ANK1: variants seen among roughly 807,000 people sequenced by gnomAD.
ANK1 encodes the protein ankyrin-1.
Under a neutral mutation model 210.4 loss-of-function variants are expected in ANK1, and 51 were observed. That is an observed-to-expected ratio of 0.24 (90% confidence interval 0.19 to 0.31). The LOEUF is 0.31. Among genes scored for constraint, ANK1 ranks in the 10% least tolerant of loss-of-function variants. The probability of loss-of-function intolerance (pLI) is 1.00; values close to 1 mark genes in which losing one functional copy is unlikely to be tolerated. For synonymous variants in ANK1, 967 were observed against 1,025.9 expected (o/e 0.94, Z 1.10); for missense variants, 2,051 against 2,504.4 (o/e 0.82, Z 3.86).
rs1804933566 is a variant in ANK1 at position 41,654,115 on chromosome 8, GCGGC to G, written c.*1671_*1674del. On this transcript the variant is annotated 3_prime_UTR_variant, in exon 43 of 43. Transcript: ENST00000289734. ...CGGACGGGGCCGGGCCGTCCACACC[GCGGC>G]TCCAGGGGCGAGAGGAGCCAGCCCT... The G allele has an allele frequency of 2.0e-5, 3 of 152,512 alleles. No homozygotes were observed. The highest frequency in any genetic ancestry group is 1.3e-4 in the Admixed American group (2 of 15,290). The allele number at this position is 152,512 out of a possible 1,614,324, so 9.4% of individuals were successfully genotyped here.
chr8:41,668,381 G>A lies in ANK1; in HGVS notation c.5280C>T (p.His1760=). 4 of 1,614,224 alleles carry A rather than the reference G, an allele frequency of 2.5e-6. No individual in the cohort carries two copies. In the South Asian group the frequency reaches 3.3e-5, roughly 13 times the overall value. ...CAGCCTCGGGCTGTTCTGTCCACGT[G>A]TGCTCACTTACAGACACCAGGACCT... ...YEKVLVSVSE[H]TWTEQPEAES... is the part of the protein sequence containing the mutation. The change falls in exon 39 of 43, where the codon CAC becomes CAT. Residue 1760 remains histidine, a synonymous_variant. Coordinates refer to ENST00000289734, the MANE Select transcript of ANK1 (RefSeq NM_000037.4).
At chr8:41,706,292 C>T (rs751111884) in intron 17 of ANK1, 51 bp from the exon 18 acceptor site, 43 of 1,542,126 alleles carry the variant, frequency 2.8e-5, no homozygotes, top group Non-Finnish European at 3.7e-5. Context: ...GAATTCCAGG[C>T]CACAAGTAAA....
At chr8:41,749,205 C>T (rs891353192) in intron 2 of ANK1, among the ~76,000 whole-genome samples, 8 of 152,040 alleles carry the variant, frequency 5.3e-5, no homozygotes, top group African/African-American at 1.9e-4. Flanking sequence ...TTTTGGTTAG[C>T]CCTAGTCTCT....
At chr8:41,822,144 AAGAAAGAAAGAAAGAAAGAAAG>A (rs1256804430) in intron 1 of ANK1, among the ~76,000 whole-genome samples, 26 of 135,418 alleles carry the variant, frequency 1.9e-4, no homozygotes, top group South Asian at 7.3e-4. Context: ...GAAAGAAAGA[AAGAAAGAAAGAAAGAAAGAAAG>A]AAAGAAAGAA....
intron 42 of ANK1, among the ~76,000 whole-genome samples, chr8:41,660,237 G>A (rs1807497520): frequency 6.6e-6 from 1 of 152,060 alleles, no homozygotes; most frequent in South Asian, 2.1e-4. Flanking sequence ...TTGCCCAAGT[G>A]CTGAGATATA....
intron 1 of ANK1, among the ~76,000 whole-genome samples, chr8:41,803,085 G>GGAAGGAAAGGAAAGGAAAGGA (rs1563811160): frequency 1.7e-5 from 1 of 59,996 alleles, no homozygotes; most frequent in African/African-American, 7.9e-5. Context: ...GGAAGGAAGG[G>GGAAGGAAAGGAAAGGAAAGGA]AAGGAAAGGA....
At chr8:41,668,078 C>T (rs1180740172) in intron 39 of ANK1, among the ~76,000 whole-genome samples, 189 bp downstream of exon 39, 1 of 152,226 alleles carries the variant, frequency 6.6e-6, no homozygotes, top group Non-Finnish European at 1.5e-5. Flanking sequence ...GGCGCCTTAG[C>T]AGGGATCCAG....
intron 1 of ANK1, chr8:41,803,279 A>T (rs924387459): frequency 6.6e-6 from 1 of 152,056 alleles, no homozygotes; most frequent in Non-Finnish European, 1.5e-5. Context: ...AGATACATAC[A>T]TTTTTGTATC....
At chr8:41,715,963 T>A in intron 13 of ANK1, 114 bp from the exon 14 acceptor site, 1 of 1,219,086 alleles carries the variant, frequency 8.2e-7, no homozygotes, top group Non-Finnish European at 1.2e-6. Flanking sequence ...CTTCTCAAGG[T>A]CACACAGCTA....
At chr8:41,896,256 G>A in intron 1 of ANK1, 6 of 1,399,234 alleles carry the variant, frequency 4.3e-6, no homozygotes, top group Non-Finnish European at 5.5e-6. Flanking sequence ...GCCGCACCGG[G>A]CGCCGCGCCC....
chr8:41,872,012 G>A (rs1313077439), intron 1 of ANK1, among the ~76,000 whole-genome samples: 1 of 152,194 alleles, frequency 6.6e-6, no homozygotes, highest in Non-Finnish European at 1.5e-5. Context: ...AGCCCTGGAT[G>A]AGTTTATTAT....
intron 34 of ANK1, 114 bp from the exon 35 acceptor site, chr8:41,688,344 A>G (rs2150582996): frequency 6.9e-7 from 1 of 1,439,406 alleles, no homozygotes; most frequent in East Asian, 2.3e-5. Context: ...GATTGTCTAG[A>G]CTCTCTGCAA....
rs566727065 is a variant in ANK1 at position 41,874,458 on chromosome 8, C to T, written c.126+21897G>A. Among the ~76,000 whole-genome samples the T allele has an allele frequency of 8.5e-5, 13 of 152,346 alleles. No homozygotes were observed. In the South Asian group the frequency reaches 2.1e-3, roughly 24 times the overall value. The stretch of plus-strand genomic sequence containing the variant: ...TTTCTTAAAGTCTTGGCTGCACTTT[C>T]GGGTCGCCTGCCCGCAGCCCCCAAC... On this transcript the variant is annotated intron_variant, in intron 1 of 42. Coordinates refer to the ANK1 transcript ENST00000265709.
chr8:41,674,610 G>C (rs769215600), intron 37 of ANK1, among the ~76,000 whole-genome samples: 7 of 152,244 alleles, frequency 4.6e-5, no homozygotes, highest in Non-Finnish European at 7.3e-5. Context: ...GGCACATTCA[G>C]TGGAACTGCA....
intron 1 of ANK1, among the ~76,000 whole-genome samples, chr8:41,884,918 G>A (rs912816113): frequency 3.3e-5 from 5 of 152,122 alleles, no homozygotes; most frequent in African/African-American, 1.2e-4. Context: ...GTGGGTCAAG[G>A]GAGCCCAGCA....
In ANK1 at chr8:41,694,919, C is replaced by T. The variant is rs1820398470; in HGVS notation, c.3116-116G>A. The T allele has an allele frequency of 8.3e-7, 1 of 1,205,292 alleles. No homozygotes were observed. 74.7% of individuals were successfully genotyped at this position (1,205,292 alleles called of 1,614,324 possible). A position where few individuals can be genotyped will look rare whatever the true frequency, so the allele number is the denominator to read the frequency against. On this transcript the variant is annotated intron_variant, in intron 27 of 42. Coordinates refer to ENST00000289734, the MANE Select transcript of ANK1 (RefSeq NM_000037.4). The surrounding 1 kb of genome is among the most constrained non-coding windows in gnomAD (Gnocchi z 5.7). ...CCAGTGCACACACCCTCCCCAGGTG[C>T]CGGGCGGCATAGTGGCCAGAAGAAG...
At chr8:41,896,284 C>T in intron 1 of ANK1, 1 of 1,518,990 alleles carries the variant, frequency 6.6e-7, no homozygotes, top group East Asian at 2.7e-5. Flanking sequence ...TCCCGGGCCG[C>T]CCGACCCCTG....
chr8:41,723,444 A>C, intron 8 of ANK1, 91 bp downstream of exon 8: 4 of 1,462,612 alleles, frequency 2.7e-6, no homozygotes, highest in Non-Finnish European at 3.8e-6. Flanking sequence ...TGCATCCCTA[A>C]CTAGGTCACC....
Position 41,668,277 on chromosome 8 carries a change from T to C in ANK1, c.5384A>G (p.Gln1795Arg). ...CCCTCGGGCTCTCACCTGCACCACT[T>C]GGGTGAAGGTGTTCTTGGCCTCCTG... ...QVQEAKNTFT[Q>R]VVQGNEFQNI... The change falls in exon 39 of 43, where the codon CAA becomes CGA. Residue 1795 changes from glutamine (Q) to arginine (R), a missense_variant. By Grantham distance (43) the Gln-to-Arg change is conservative. Around this residue, in one of 6 missense-constraint regions of ANK1, gnomAD observed 496 missense variants for 533.4 expected, o/e 0.93. Transcript: ENST00000289734. 2 of 1,614,200 alleles carry C rather than the reference T, an allele frequency of 1.2e-6. No homozygotes were observed. The highest frequency in any genetic ancestry group is 1.7e-6 in the Non-Finnish European group (2 of 1,180,020).
Sources: allele counts gnomAD v4.1 joint callset (sites outside exome capture counted in the v4.1 genomes callset), GRCh38; gene constraint gnomAD v4.1.1; regional missense constraint gnomAD v4.1.1; non-coding constraint Gnocchi (gnomAD v3.1); transcripts MANE v1.5; gene names NCBI Gene and HGNC (gene_info 2026-07-23, HGNC 2026-07-21).